The following FRMD4A variants were observed in gnomAD, a reference collection of about 807,000 sequenced individuals.
The protein encoded by FRMD4A is FERM domain containing 4A, also known as FERM domain-containing protein 4A.
In FRMD4A, 29 loss-of-function variants were observed where a neutral mutation model predicts 129.1. The ratio of observed to expected loss-of-function variants is 0.22; its 90% CI spans 0.17 to 0.31. The LOEUF is 0.31. Among genes scored for constraint, FRMD4A ranks in the 10% least tolerant of loss-of-function variants. FRMD4A has a pLI of 1.00. For synonymous variants in FRMD4A, 634 were observed against 571.6 expected, an observed-to-expected ratio of 1.11 and a Z score of -1.56; for missense variants, 1,272 against 1,375.8, an observed-to-expected ratio of 0.92 and a Z score of 1.19.
At chr10:13,849,505 G>T (rs2094111115) in intron 3 of FRMD4A, among the ~76,000 whole-genome samples, 1 of 150,300 alleles carries the variant, frequency 6.7e-6, no homozygotes, top group Admixed American at 6.6e-5. Context: ...TTTTGATACG[G>T]AGTTCGCTCT....
At chr10:13,865,268 C>T (rs79232100) in intron 2 of FRMD4A, among the ~76,000 whole-genome samples, 18 of 152,072 alleles carry the variant, frequency 1.2e-4, no homozygotes, top group East Asian at 9.6e-4. Flanking sequence ...GTACCTGGTA[C>T]GAAGTATATA....
chr10:13,787,123 C>T (rs1023452182), intron 5 of FRMD4A, among the ~76,000 whole-genome samples: 3 of 152,068 alleles, frequency 2.0e-5, no homozygotes, highest in African/African-American at 4.8e-5. Flanking sequence ...GGAAATAACA[C>T]GCATATTCTG....
At chr10:13,921,917 G>A (rs935116383) in intron 2 of FRMD4A, among the ~76,000 whole-genome samples, 1 of 152,222 alleles carries the variant, frequency 6.6e-6, no homozygotes. Flanking sequence ...AAATTTATAT[G>A]TTGAAGTCCT....
chr10:13,743,441 G>A (rs538169951), intron 9 of FRMD4A, among the ~76,000 whole-genome samples: 1 of 152,088 alleles, frequency 6.6e-6, no homozygotes, highest in African/African-American at 2.4e-5. Context: ...TGTAGATAGG[G>A]ACCTTTTTCC....
intron 2 of FRMD4A, among the ~76,000 whole-genome samples, chr10:13,898,910 C>T (rs1415935521): frequency 6.6e-6 from 1 of 152,122 alleles, no homozygotes. Flanking sequence ...GAGCTGGGCA[C>T]AGTGGCTCAC....
intron 2 of FRMD4A, among the ~76,000 whole-genome samples, chr10:14,089,262 G>A (rs981546724): frequency 2.6e-5 from 4 of 152,168 alleles, no homozygotes; most frequent in African/African-American, 9.7e-5. Context: ...AGTTTCCGTG[G>A]GGAGAGAAGA....
At chr10:14,228,021 G>A (rs577421045) in intron 2 of FRMD4A, among the ~76,000 whole-genome samples, 5 of 152,142 alleles carry the variant, frequency 3.3e-5, no homozygotes, top group South Asian at 4.2e-4. Context: ...CTACAGGTGC[G>A]TGCCACTATG....
At chr10:13,756,943 T>C (rs2091890756) in intron 8 of FRMD4A, among the ~76,000 whole-genome samples, 1 of 152,218 alleles carries the variant, frequency 6.6e-6, no homozygotes. Flanking sequence ...CACTGAACTT[T>C]TTAAGGAAGA....
At chr10:13,698,417 G>C (rs1027924314) in intron 14 of FRMD4A, among the ~76,000 whole-genome samples, 2 of 152,164 alleles carry the variant, frequency 1.3e-5, no homozygotes, top group African/African-American at 4.8e-5. Flanking sequence ...AGCCCTGTCG[G>C]CCATCACTCA....
intron 2 of FRMD4A, among the ~76,000 whole-genome samples, chr10:13,963,259 G>C (rs551661605): frequency 7.4e-6 from 1 of 134,318 alleles, no homozygotes; most frequent in East Asian, 2.2e-4. Context: ...TTCTTCCTTG[G>C]TGCAAGCCTC....
intron 3 of FRMD4A, among the ~76,000 whole-genome samples, chr10:13,854,502 C>T (rs1455979730): frequency 6.6e-6 from 1 of 151,962 alleles, no homozygotes; most frequent in Admixed American, 6.6e-5. Flanking sequence ...CTCACTGCAA[C>T]CTCCGCCTCC....
intron 3 of FRMD4A, among the ~76,000 whole-genome samples, chr10:13,850,426 C>T (rs947744890): frequency 3.3e-5 from 5 of 152,136 alleles, no homozygotes; most frequent in South Asian, 2.1e-4. Context: ...GACAGGAAGG[C>T]GACCATTATT....
At chr10:14,227,563 G>A (rs1843487827) in intron 2 of FRMD4A, among the ~76,000 whole-genome samples, 1 of 151,948 alleles carries the variant, frequency 6.6e-6, no homozygotes, top group African/African-American at 2.4e-5. Flanking sequence ...TCTCTTTAGT[G>A]TTCTAGCCTC....
chr10:14,194,007 G>T (rs930569676), intron 2 of FRMD4A, among the ~76,000 whole-genome samples: 1 of 152,156 alleles, frequency 6.6e-6, no homozygotes. Flanking sequence ...TTAAGACACA[G>T]AATTTCCATG....
At chr10:13,655,737 CCTCCCATTTGCTTCTGA>C (rs1182737196) in intron 22 of FRMD4A, 1 of 152,168 alleles carries the variant, frequency 6.6e-6, no homozygotes, top group African/African-American at 2.4e-5. Flanking sequence ...ACTCAGAGTT[CCTCCCATTTGCTTCTGA>C]CTCTCATTTT....
chr10:14,251,437 C>A (rs556827259), intron 2 of FRMD4A, among the ~76,000 whole-genome samples: 3 of 152,126 alleles, frequency 2.0e-5, no homozygotes, highest in African/African-American at 7.2e-5. Flanking sequence ...CCCAGTTGAG[C>A]CTTCAGATGA....
At chr10:14,089,618 C>CAAAAAA (rs369054869) in intron 2 of FRMD4A, among the ~76,000 whole-genome samples, 2 of 79,506 alleles carry the variant, frequency 2.5e-5, no homozygotes, top group Non-Finnish European at 4.0e-5. Context: ...CCTTTTCAAG[C>CAAAAAA]AAAAAAAAAA....
intron 2 of FRMD4A, among the ~76,000 whole-genome samples, chr10:13,960,761 C>A (rs563779884): frequency 6.6e-6 from 1 of 152,114 alleles, no homozygotes; most frequent in Admixed American, 6.5e-5. Context: ...GGTCATGTGA[C>A]CAAGTTCTGG....
chr10:14,190,339 C>T (rs560414553), intron 2 of FRMD4A, among the ~76,000 whole-genome samples: 2 of 152,110 alleles, frequency 1.3e-5, no homozygotes, highest in Non-Finnish European at 1.5e-5. Context: ...TGCTGGAAGC[C>T]GATACTATGA....
Sources: allele counts gnomAD v4.1 joint callset (sites outside exome capture counted in the v4.1 genomes callset), GRCh38; gene constraint gnomAD v4.1.1; transcripts MANE v1.5; gene names NCBI Gene and HGNC (gene_info 2026-07-23, HGNC 2026-07-21).